GANAB: variants seen among roughly 807,000 people sequenced by gnomAD.
GANAB encodes the protein glucosidase II alpha subunit.
GANAB carries 35 observed loss-of-function variants against 129.9 expected under a neutral mutation model. The observed-to-expected ratio is 0.27, with a 90% CI of 0.21 to 0.36. GANAB has a LOEUF of 0.36. GANAB is among the 10% of genes least tolerant of loss of function. The probability of loss-of-function intolerance (pLI) is 1.00; values close to 1 mark genes in which losing one functional copy is unlikely to be tolerated. For missense variants in GANAB, 939 were observed against 1,221.0 expected (o/e 0.77, Z 3.44); for synonymous variants, 482 against 451.8 (o/e 1.07, Z -0.85).
chr11:62,631,403 G>A (rs559802016), intron 9 of GANAB, among the ~76,000 whole-genome samples: 2 of 151,464 alleles, frequency 1.3e-5, no homozygotes, highest in East Asian at 3.9e-4. Context: ...GGGTGGTTAA[G>A]TGCTAACAAA....
Position 62,624,952 on chromosome 11 carries a change from C to G in GANAB, c.*863G>C. ...TCCCCATTAGTCCTCCCCCAACCCC[C>G]CACCCAGGGCTTCCAGCCAACCCCG... On this transcript the variant is annotated 3_prime_UTR_variant, in exon 24 of 24. Transcript: ENST00000356638. 1 of 186,864 alleles carries G rather than the reference C, an allele frequency of 5.4e-6. No individual in the cohort carries two copies. Among genetic ancestry groups the G allele is most frequent in the South Asian group, 8.1e-5 (1 of 12,284 alleles). The allele number at this position is 186,864 out of a possible 1,614,324, so 11.6% of individuals were successfully genotyped here.
chr11:62,643,792 G>C (rs927093166), intron 1 of GANAB, among the ~76,000 whole-genome samples: 1 of 152,118 alleles, frequency 6.6e-6, no homozygotes, highest in South Asian at 2.1e-4. Flanking sequence ...CTCTAGCCTG[G>C]GTGACAAAGT....
Position 62,630,823 on chromosome 11 carries a change from C to T in GANAB, c.1164G>A (p.Leu388=). 1.9e-6 allele frequency: 3 copies of T among 1,613,252 alleles called. No homozygotes were observed. The highest frequency in any genetic ancestry group is 2.5e-6 in the Non-Finnish European group (3 of 1,179,590). ...GGTAGCCGAGGGAGAAGAGTGGGGG[C>T]AACGCCTGGGTTCCTGCAGGTTCAT... ...QYASLTGTQA[L]PPLFSLGYHQ... is the part of the protein sequence containing the mutation. The change falls in exon 11 of 24, where the codon TTG becomes TTA. Residue 388 remains leucine (L), a synonymous_variant. Transcript: ENST00000356638.
intron 1 of GANAB, among the ~76,000 whole-genome samples, chr11:62,645,605 A>T (rs1944444686): frequency 6.6e-6 from 1 of 152,102 alleles, no homozygotes; most frequent in East Asian, 1.9e-4. Flanking sequence ...CAGTCTGTAA[A>T]ATTGGTTCGG....
At position 62,627,101 on chromosome 11, in the gene GANAB, C is replaced by G; in HGVS notation, c.2269G>C (p.Val757Leu). ...LLGDALLVHP[V>L]SDSGAHGVQV... ...ACACCATGGGCTCCAGAGTCTGATA[C>G]AGGGTGAACCAGCAACGCATCCCCT... is the stretch of plus-strand genomic sequence containing the variant. The change falls in exon 19 of 24, where the codon GTA (valine) becomes CTA (leucine). Residue 757 changes from valine (V) to leucine (L), a missense_variant. Val to Leu is a conservative substitution (Grantham distance 32). Around this residue, in one of 5 missense-constraint regions of GANAB, gnomAD observed 230 missense variants for 259.9 expected, o/e 0.89. Transcript: ENST00000356638. 2 of 1,613,894 alleles carry G rather than the reference C, an allele frequency of 1.2e-6. No individual in the cohort carries two copies. Among genetic ancestry groups the G allele is most frequent in the Middle Eastern group, 1.7e-4 (1 of 6,060 alleles).
chr11:62,626,699 A>G lies in GANAB; in HGVS notation c.2398-15T>C. On this transcript the variant is annotated splice_polypyrimidine_tract_variant and intron_variant, in intron 20 of 23. Coordinates refer to ENST00000356638, the MANE Select transcript of GANAB (RefSeq NM_198334.3). ...AACACAGGGATCTAGGGCAAGAGCA[A>G]TGCCAGGATGAAGTTGCCCCCTTGT... 6.5e-7 allele frequency: 1 copy of G among 1,549,112 alleles called. No homozygotes were observed. The highest frequency in any genetic ancestry group is 2.3e-5 in the East Asian group (1 of 43,840).
chr11:62,634,706 C>A, intron 5 of GANAB, 115 bp downstream of exon 5: 1 of 870,670 alleles, frequency 1.1e-6, no homozygotes, highest in Non-Finnish European at 1.8e-6. Flanking sequence ...GAGCTTCTCC[C>A]AGCCCCCAGG....
Position 62,628,751 on chromosome 11 carries a change from C to G in GANAB, c.2180+18G>C. On this transcript the variant is annotated intron_variant, in intron 17 of 23. Coordinates refer to ENST00000356638, the MANE Select transcript of GANAB (RefSeq NM_198334.3). ...AGCCACCTCAGCCCACTCTTCACAG[C>G]CCAAGTGAATGCCTCACCTCATGAC... 6.2e-7 allele frequency: 1 copy of G among 1,611,250 alleles called. No individual in the cohort carries two copies. Among genetic ancestry groups the G allele is most frequent in the South Asian group, 1.1e-5 (1 of 91,024 alleles).
chr11:62,626,173 T>C lies in GANAB; in HGVS notation c.2625-8A>G, dbSNP rs1385459965. 1.9e-6 allele frequency: 3 copies of C among 1,589,146 alleles called. No individual in the cohort carries two copies. Among genetic ancestry groups the C allele is most frequent in the East Asian group, 2.2e-5 (1 of 44,790 alleles). The stretch of plus-strand genomic sequence containing the variant: ...CCTTCAGGGTCTGCTGAGCTGGAGA[T>C]GGTAAAAGCAGATGTCCATCAGGGG... On this transcript the variant is annotated splice_polypyrimidine_tract_variant and splice_region_variant and intron_variant, in intron 22 of 23. Transcript: ENST00000356638.
Position 62,642,134 on chromosome 11 carries a change from C to T in GANAB, c.39-2403G>A, listed in dbSNP as rs199663552. Among the ~76,000 whole-genome samples the T allele has an allele frequency of 3.9e-5, 6 of 152,166 alleles. No individual in the cohort carries two copies. The East Asian group carries it at 1.2e-3, about 30-fold the overall frequency. ...GGCTGAGGCAGGAGAACTGCTTGAA[C>T]CAGGAGGTGGAGGTTACACTGAGCA... is the stretch of plus-strand genomic sequence containing the variant. On this transcript the variant is annotated intron_variant, in intron 1 of 23. Transcript: ENST00000356638.
intron 5 of GANAB, chr11:62,634,483 G>T: frequency 2.7e-6 from 2 of 742,130 alleles, no homozygotes; most frequent in South Asian, 1.5e-5. Flanking sequence ...GAGATGGGGG[G>T]AAAAAGAAAC....
intron 1 of GANAB, among the ~76,000 whole-genome samples, chr11:62,646,077 G>C (rs986466157): frequency 8.5e-5 from 13 of 152,222 alleles, no homozygotes; most frequent in African/African-American, 3.1e-4. Flanking sequence ...TGAAGACAAG[G>C]GCAGAGGAGG....
At position 62,632,548 on chromosome 11, in the gene GANAB, C is replaced by A; in HGVS notation, c.996+17G>T. On this transcript the variant is annotated intron_variant, in intron 9 of 23. Coordinates refer to ENST00000356638, the MANE Select transcript of GANAB (RefSeq NM_198334.3). ...GAAGCTTCACTCCCTCCTTTTTCCC[C>A]GTGCCTGTGCTCTCACCTTCCCGGC... 6.2e-7 allele frequency: 1 copy of A among 1,603,202 alleles called. No individual in the cohort carries two copies. Among genetic ancestry groups the A allele is most frequent in the Admixed American group, 1.7e-5 (1 of 59,492 alleles).
intron 1 of GANAB, among the ~76,000 whole-genome samples, chr11:62,644,723 T>C (rs1944401969): frequency 1.3e-5 from 2 of 152,032 alleles, no homozygotes; most frequent in Admixed American, 1.3e-4. Flanking sequence ...CTCGGGAGGA[T>C]GAGGCAGGAG....
At chr11:62,634,033 G>T (rs1289274406) in intron 5 of GANAB, 1 of 434,260 alleles carries the variant, frequency 2.3e-6, no homozygotes, top group Admixed American at 4.0e-5. Context: ...CCCCTCAGCT[G>T]AGAGTCAGGA....
Position 62,639,419 on chromosome 11 carries a change from C to T in GANAB, c.192G>A (p.Leu64=), listed in dbSNP as rs774111236. The T allele has an allele frequency of 6.2e-7, 1 of 1,613,834 alleles. No homozygotes were observed. Among genetic ancestry groups the T allele is most frequent in the Admixed American group, 1.7e-5 (1 of 59,980 alleles). Residue 64 remains leucine, a synonymous_variant, in exon 3 of 24, where the codon CTG becomes CTA. Transcript: ENST00000356638. ...AATCAGGACCAAGCTGTAGAGAGTC[C>T]AGCAAGGCTCGGTATGGAGAGAGGC... ...RPGLSPYRAL[L]DSLQLGPDSL...
At chr11:62,638,489 G>A (rs1342003567) in intron 4 of GANAB, among the ~76,000 whole-genome samples, 1 of 152,016 alleles carries the variant, frequency 6.6e-6, no homozygotes, top group African/African-American at 2.4e-5. Context: ...TTAAGAGAAA[G>A]TCATGGATGG....
At chr11:62,632,931 T>A in intron 8 of GANAB, 74 bp downstream of exon 8, 1 of 1,013,152 alleles carries the variant, frequency 9.9e-7, no homozygotes, top group Non-Finnish European at 1.6e-6. Flanking sequence ...GTATCCAATA[T>A]GCACACCCAT....
Position 62,626,187 on chromosome 11 carries a change from G to A in GANAB, c.2625-22C>T, listed in dbSNP as rs1177708143. ...TGAGCTGGAGATGGTAAAAGCAGAT[G>A]TCCATCAGGGGGAAAAATAACAGAA... On this transcript the variant is annotated intron_variant, in intron 22 of 23. Coordinates refer to ENST00000356638, the MANE Select transcript of GANAB (RefSeq NM_198334.3). 5 of 1,518,124 alleles carry A rather than the reference G, an allele frequency of 3.3e-6. No individual in the cohort carries two copies. The Admixed American group carries it at 8.4e-5, about 25-fold the overall frequency. 94.0% of individuals were successfully genotyped at this position (1,518,124 alleles called of 1,614,324 possible).
Sources: allele counts gnomAD v4.1 joint callset (sites outside exome capture counted in the v4.1 genomes callset), GRCh38; gene constraint gnomAD v4.1.1; regional missense constraint gnomAD v4.1.1; transcripts MANE v1.5; gene names NCBI Gene and HGNC (gene_info 2026-07-23, HGNC 2026-07-21).